TAFA2: variants seen among roughly 807,000 people sequenced by gnomAD.
The protein encoded by TAFA2 is TAFA chemokine like family member 2, also known as chemokine-like protein TAFA-2.
A neutral mutation model predicts 18.8 loss-of-function variants in TAFA2; 7 were observed. The observed-to-expected ratio is 0.37, with a 90% confidence interval of 0.21 to 0.70. The LOEUF (loss-of-function observed/expected upper bound fraction) is 0.70. Ranked by LOEUF, TAFA2 falls within the 30% of genes least tolerant of loss-of-function variation. The probability of loss-of-function intolerance (pLI) is 0.53; values close to 1 mark genes in which losing one functional copy is unlikely to be tolerated. For synonymous variants in TAFA2, 60 were observed against 54.2 expected, an observed-to-expected ratio of 1.11 and a Z score of -0.47; for missense variants, 122 against 158.1, an observed-to-expected ratio of 0.77 and a Z score of 1.23.
intron 1 of TAFA2, among the ~76,000 whole-genome samples, chr12:61,971,364 C>T (rs1879241203): frequency 6.6e-6 from 1 of 151,642 alleles, no homozygotes; most frequent in African/African-American, 2.4e-5. Context: ...TGATCCATAG[C>T]ATTAGGAGAT....
At chr12:62,085,607 G>A (rs763863047) in intron 1 of TAFA2, among the ~76,000 whole-genome samples, 26 of 152,046 alleles carry the variant, frequency 1.7e-4, no homozygotes, top group Non-Finnish European at 3.7e-4. Flanking sequence ...CTGATTTAAG[G>A]ATTGGAGATG....
intron 2 of TAFA2, among the ~76,000 whole-genome samples, chr12:61,822,909 CA>C (rs1872379617): frequency 6.6e-6 from 1 of 152,130 alleles, no homozygotes; most frequent in Admixed American, 6.5e-5. Flanking sequence ...GAAAAAGAGT[CA>C]AGCCTCTAGC....
intron 1 of TAFA2, among the ~76,000 whole-genome samples, chr12:62,048,890 A>G (rs1377187904): frequency 6.6e-6 from 1 of 152,196 alleles, no homozygotes; most frequent in Non-Finnish European, 1.5e-5. Flanking sequence ...AGACCAAAGG[A>G]GAGGAATATG....
intron 1 of TAFA2, among the ~76,000 whole-genome samples, chr12:62,109,521 T>A (rs1408207066): frequency 6.6e-6 from 1 of 152,216 alleles, no homozygotes; most frequent in Non-Finnish European, 1.5e-5. Context: ...GTGAAGAAAG[T>A]CATTGGTAGC....
intron 1 of TAFA2, among the ~76,000 whole-genome samples, chr12:61,881,964 C>G (rs1267827897): frequency 6.6e-6 from 1 of 151,544 alleles, no homozygotes; most frequent in Non-Finnish European, 1.5e-5. Flanking sequence ...AAAAAAAAAT[C>G]TTGGTTATCT....
At chr12:61,714,283 C>A (rs1371324463) in intron 4 of TAFA2, among the ~76,000 whole-genome samples, 1 of 152,100 alleles carries the variant, frequency 6.6e-6, no homozygotes, top group African/African-American at 2.4e-5. Context: ...CATAGCTGTT[C>A]TTTTTTACGC....
intron 1 of TAFA2, among the ~76,000 whole-genome samples, chr12:61,975,514 C>CGCGTGTGTGTGTGTGTGTGTGTGTGTGT (rs1555180431): frequency 2.2e-5 from 3 of 136,558 alleles, no homozygotes; most frequent in Admixed American, 7.5e-5. Context: ...CAATAATATT[C>CGCGTGTGTGTGTGTGTGTGTGTGTGTGT]GTGTGTGTGT....
intron 1 of TAFA2, among the ~76,000 whole-genome samples, chr12:62,100,452 T>C (rs1172100697): frequency 6.6e-6 from 1 of 152,234 alleles, no homozygotes; most frequent in East Asian, 1.9e-4. Context: ...TTTATACCCC[T>C]GTACAGTTTG....
At chr12:62,124,216 A>C (rs1274907621) in intron 1 of TAFA2, among the ~76,000 whole-genome samples, 1 of 152,142 alleles carries the variant, frequency 6.6e-6, no homozygotes, top group African/African-American at 2.4e-5. Context: ...TAAGCTCTGG[A>C]TTACATATGT....
intron 1 of TAFA2, among the ~76,000 whole-genome samples, chr12:62,022,397 C>G (rs183384917): frequency 1.1e-3 from 168 of 152,256 alleles, no homozygotes; most frequent in Non-Finnish European, 2.1e-3. Context: ...ATAGCAAACA[C>G]AACACTGGGA....
chr12:62,206,137 C>T (rs1362925073), intron 1 of TAFA2, among the ~76,000 whole-genome samples: 1 of 152,176 alleles, frequency 6.6e-6, no homozygotes, highest in African/African-American at 2.4e-5. Context: ...CAATGGGAGC[C>T]TCCAACCCCA....
In TAFA2 at chr12:61,917,896, TTATTCAGGAGCGCTG is replaced by T. The variant is rs371212764; in HGVS notation, c.-1-50485_-1-50471del. The stretch of plus-strand genomic sequence containing the variant: ...GGTTCTGGAAACAAAGAATGAGACT[TTATTCAGGAGCGCTG>T]TGAATCTTATGAATGTATAAAGTTC... On this transcript the variant is annotated intron_variant, in intron 1 of 4. Coordinates refer to ENST00000416284, the MANE Select transcript of TAFA2 (RefSeq NM_178539.5). Among the ~76,000 whole-genome samples, 412 of 152,288 alleles carry T rather than the reference TTATTCAGGAGCGCTG, an allele frequency of 2.7e-3. 2 individuals carry two copies. The highest frequency in any genetic ancestry group is 9.2e-3 in the African/African-American group (383 of 41,566).
chr12:61,964,552 G>A (rs1879004656), intron 1 of TAFA2, among the ~76,000 whole-genome samples: 2 of 151,572 alleles, frequency 1.3e-5, no homozygotes. Context: ...GCTCAAGTCT[G>A]CCCCTGCCCC....
chr12:61,819,971 A>C (rs1872251793), intron 2 of TAFA2, among the ~76,000 whole-genome samples: 1 of 152,116 alleles, frequency 6.6e-6, no homozygotes, highest in African/African-American at 2.4e-5. Context: ...ATAATAATGA[A>C]ATTTTAGTCT....
In TAFA2 at chr12:61,967,715, C is replaced by T. The variant is rs191339939; in HGVS notation, c.-1-100289G>A. 2.0e-5 allele frequency among the ~76,000 whole-genome samples: 3 copies of T among 151,864 alleles called. No individual in the cohort carries two copies. The East Asian group carries it at 5.8e-4, about 30-fold the overall frequency. On this transcript the variant is annotated intron_variant, in intron 1 of 4. Coordinates refer to ENST00000416284, the MANE Select transcript of TAFA2 (RefSeq NM_178539.5). The stretch of plus-strand genomic sequence containing the variant: ...TTCCATTCTGAATTTGAAAATCAAC[C>T]TAGTGGCAGGAGGACTGAAAAAGGA...
chr12:62,250,489 C>T (rs1482086173), intron 1 of TAFA2, among the ~76,000 whole-genome samples: 1 of 151,814 alleles, frequency 6.6e-6, no homozygotes. Context: ...AATTTCTGTA[C>T]ATATAGATGT....
intron 4 of TAFA2, among the ~76,000 whole-genome samples, chr12:61,744,305 C>A (rs748716622): frequency 5.9e-5 from 9 of 152,098 alleles, no homozygotes; most frequent in Non-Finnish European, 1.0e-4. Flanking sequence ...GTAACATCTA[C>A]AGATTAACAC....
At chr12:61,986,269 A>G (rs1195176969) in intron 1 of TAFA2, among the ~76,000 whole-genome samples, 1 of 136,416 alleles carries the variant, frequency 7.3e-6, no homozygotes, top group Admixed American at 8.7e-5. Flanking sequence ...GGTTCAAGTG[A>G]TTCTCCTGCT....
At chr12:62,251,504 A>G (rs1216223942) in intron 1 of TAFA2, among the ~76,000 whole-genome samples, 3 of 152,244 alleles carry the variant, frequency 2.0e-5, no homozygotes, top group Non-Finnish European at 4.4e-5. Flanking sequence ...TGCCAGGGTA[A>G]AGACCAAAAC....
Sources: allele counts gnomAD v4.1 joint callset (sites outside exome capture counted in the v4.1 genomes callset), GRCh38; gene constraint gnomAD v4.1.1; transcripts MANE v1.5; gene names NCBI Gene and HGNC (gene_info 2026-07-23, HGNC 2026-07-21).